SPMIP4: variants seen among roughly 807,000 people sequenced by gnomAD.
SPMIP4 encodes the protein sperm microtubule inner protein 4.
the SPMIP4 span, among the ~76,000 whole-genome samples, chr7:25,138,406 CT>C: frequency 6.6e-6 from 1 of 152,106 alleles, no homozygotes; most frequent in Non-Finnish European, 1.5e-5. This position sits in a 1 kb window ranked among gnomAD's most constrained non-coding sequence, Gnocchi z 6.2. Context: ...CTTTTATTTT[CT>C]TTTTGTGAAG....
chr7:25,147,685 C>A, the SPMIP4 span, among the ~76,000 whole-genome samples: 1 of 152,272 alleles, frequency 6.6e-6, no homozygotes, highest in East Asian at 1.9e-4. Flanking sequence ...ATTCTCCTTT[C>A]CAAGGTTACC....
the SPMIP4 span, among the ~76,000 whole-genome samples, chr7:25,145,569 G>C: frequency 8.6e-4 from 131 of 152,308 alleles, no homozygotes; most frequent in African/African-American, 2.9e-3. Context: ...ACTAAACTCA[G>C]GGTACAGTTT....
chr7:25,165,453 T>A, the SPMIP4 span, among the ~76,000 whole-genome samples: 1 of 152,192 alleles, frequency 6.6e-6, no homozygotes, highest in Non-Finnish European at 1.5e-5. Context: ...ATGAAAATTG[T>A]TGCTTTTTTG....
chr7:25,160,204 A>C, the SPMIP4 span, among the ~76,000 whole-genome samples: 4 of 151,894 alleles, frequency 2.6e-5, no homozygotes, highest in Admixed American at 1.3e-4. Flanking sequence ...CTAGTGGCTA[A>C]CTTCTATATT....
the SPMIP4 span, among the ~76,000 whole-genome samples, chr7:25,175,682 A>AT: frequency 6.6e-6 from 1 of 152,146 alleles, no homozygotes; most frequent in Non-Finnish European, 1.5e-5. Context: ...CACCCTTACC[A>AT]TTATGAAGGT....
the SPMIP4 span, among the ~76,000 whole-genome samples, chr7:25,152,650 ACTT>A: frequency 2.7e-4 from 41 of 150,426 alleles, no homozygotes; most frequent in Admixed American, 1.5e-3. Flanking sequence ...TAACTTCCTA[ACTT>A]CTTTCCTTCC....
chr7:25,131,753 A>G, the SPMIP4 span, among the ~76,000 whole-genome samples: 1 of 152,224 alleles, frequency 6.6e-6, no homozygotes, highest in Non-Finnish European at 1.5e-5. This position sits in a 1 kb window ranked among gnomAD's most constrained non-coding sequence, Gnocchi z 4.2. Context: ...ATTAGAAGCC[A>G]TGGGTCACGG....
At chr7:25,161,941 A>G in the SPMIP4 span, among the ~76,000 whole-genome samples, 1 of 152,170 alleles carries the variant, frequency 6.6e-6, no homozygotes, top group Non-Finnish European at 1.5e-5. Flanking sequence ...ATTCTATTTT[A>G]AAAGTCAAAA....
At chr7:25,156,736 G>A in the SPMIP4 span, among the ~76,000 whole-genome samples, 1 of 152,140 alleles carries the variant, frequency 6.6e-6, no homozygotes, top group Non-Finnish European at 1.5e-5. Context: ...CATCCAGGCT[G>A]GAGTGCAATG....
chr7:25,169,921 T>C, the SPMIP4 span, among the ~76,000 whole-genome samples: 1 of 152,188 alleles, frequency 6.6e-6, no homozygotes, highest in African/African-American at 2.4e-5. Context: ...TGTATAGATA[T>C]ATCACGTTTT....
chr7:25,128,852 A>G, the SPMIP4 span, among the ~76,000 whole-genome samples: 5 of 152,192 alleles, frequency 3.3e-5, no homozygotes, highest in Non-Finnish European at 7.3e-5. This position sits in a 1 kb window ranked among gnomAD's most constrained non-coding sequence, Gnocchi z 4.5. Context: ...TTAGTCAGCA[A>G]GTGATGAATC....
At chr7:25,133,718 T>C in the SPMIP4 span, among the ~76,000 whole-genome samples, 3 of 152,220 alleles carry the variant, frequency 2.0e-5, no homozygotes, top group East Asian at 1.9e-4. Flanking sequence ...TATAATAGAA[T>C]GTTAAACCAC....
chr7:25,172,133 C>A, the SPMIP4 span, among the ~76,000 whole-genome samples: 1 of 152,178 alleles, frequency 6.6e-6, no homozygotes, highest in Non-Finnish European at 1.5e-5. This position sits in a 1 kb window ranked among gnomAD's most constrained non-coding sequence, Gnocchi z 4.2. Flanking sequence ...GTGTTGACTT[C>A]AGTGTAGAAT....
At chr7:25,155,324 C>T in the SPMIP4 span, 2 of 653,418 alleles carry the variant, frequency 3.1e-6, no homozygotes, top group Non-Finnish European at 2.4e-6. Context: ...GGGGATAGGA[C>T]AGTGAGTCAA....
At chr7:25,126,002 C>G in the SPMIP4 span, 1 of 956,568 alleles carries the variant, frequency 1.0e-6, no homozygotes, top group Non-Finnish European at 1.2e-6. Context: ...TAAGAGGATG[C>G]AATGATAACA....
At chr7:25,147,578 G>A in the SPMIP4 span, among the ~76,000 whole-genome samples, 1 of 152,104 alleles carries the variant, frequency 6.6e-6, no homozygotes, top group African/African-American at 2.4e-5. Flanking sequence ...GCATCCACAT[G>A]CAACGTGAAA....
the SPMIP4 span, among the ~76,000 whole-genome samples, chr7:25,150,969 A>G: frequency 7.8e-4 from 119 of 152,260 alleles, no homozygotes; most frequent in African/African-American, 2.8e-3. Context: ...CTTTCTGGAA[A>G]TCTCCCATTT....
the SPMIP4 span, among the ~76,000 whole-genome samples, chr7:25,170,824 C>T: frequency 4.6e-5 from 7 of 152,166 alleles, no homozygotes; most frequent in Admixed American, 3.9e-4. Context: ...TAAAGATTAT[C>T]TTTGGATTTT....
At chr7:25,151,477 C>A in the SPMIP4 span, 3 of 618,028 alleles carry the variant, frequency 4.9e-6, no homozygotes, top group East Asian at 3.0e-5. Context: ...CCCACCTTGG[C>A]TTCCCTAAGT....
Sources: allele counts gnomAD v4.1 joint callset (sites outside exome capture counted in the v4.1 genomes callset), GRCh38; gene constraint gnomAD v4.1.1; non-coding constraint Gnocchi (gnomAD v3.1); transcripts MANE v1.5; gene names NCBI Gene and HGNC (gene_info 2026-07-23, HGNC 2026-07-21).